Variants in C1orf21 observed in about 807,000 individuals in gnomAD.
C1orf21 encodes uncharacterized protein C1orf21.
Under a neutral mutation model 18.7 loss-of-function variants are expected in C1orf21, and 3 were observed. That is an observed-to-expected ratio of 0.16 (90% CI 0.07 to 0.42). C1orf21 has a LOEUF of 0.42. C1orf21 is among the 10% of genes least tolerant of loss of function. The pLI is 0.99. For synonymous variants in C1orf21, 41 were observed against 46.4 expected, an observed-to-expected ratio of 0.88 and a Z score of 0.47; for missense variants, 104 against 143.6, an observed-to-expected ratio of 0.72 and a Z score of 1.41.
chr1:184,417,960 C>T (rs1417053447), intron 1 of C1orf21, among the ~76,000 whole-genome samples: 4 of 152,206 alleles, frequency 2.6e-5, no homozygotes, highest in Non-Finnish European at 5.9e-5. Context: ...CTTTCAATGT[C>T]TTTGGTTCAG....
chr1:184,440,423 T>C (rs568488732), intron 1 of C1orf21, among the ~76,000 whole-genome samples: 62 of 152,202 alleles, frequency 4.1e-4, no homozygotes, highest in African/African-American at 1.4e-3. Context: ...TGTTGTTGTT[T>C]GTATTTTTAG....
chr1:184,573,625 C>T (rs1325007118), intron 3 of C1orf21, among the ~76,000 whole-genome samples: 2 of 152,050 alleles, frequency 1.3e-5, no homozygotes, highest in African/African-American at 2.4e-5. Context: ...GTGCTGGCAG[C>T]GAGCTTCACT....
At chr1:184,617,902 T>G (rs1659853057) in intron 5 of C1orf21, among the ~76,000 whole-genome samples, 2 of 118,122 alleles carry the variant, frequency 1.7e-5, no homozygotes, top group East Asian at 5.8e-4. Context: ...TTTGTTGTTG[T>G]TGTTTTTTTT....
chr1:184,434,873 C>T (rs115149583), intron 1 of C1orf21, among the ~76,000 whole-genome samples: 230 of 152,258 alleles, frequency 1.5e-3, no homozygotes, highest in Non-Finnish European at 2.2e-3. Flanking sequence ...GTTGAAAGTT[C>T]TTGGATTTTA....
chr1:184,516,819 C>A (rs1280626509), intron 3 of C1orf21, among the ~76,000 whole-genome samples: 1 of 152,122 alleles, frequency 6.6e-6, no homozygotes, highest in African/African-American at 2.4e-5. Context: ...GGACACAGAG[C>A]CAAACCATAT....
intron 3 of C1orf21, among the ~76,000 whole-genome samples, chr1:184,538,069 G>A (rs879622782): frequency 7.2e-5 from 11 of 152,062 alleles, no homozygotes; most frequent in Non-Finnish European, 1.6e-4. Flanking sequence ...GTAACTTTTC[G>A]CATTCCCACC....
At chr1:184,458,700 G>A (rs1657257232) in intron 1 of C1orf21, among the ~76,000 whole-genome samples, 1 of 152,034 alleles carries the variant, frequency 6.6e-6, no homozygotes, top group South Asian at 2.1e-4. Context: ...TTTTCACATA[G>A]CAAAGTTAAT....
intron 1 of C1orf21, among the ~76,000 whole-genome samples, chr1:184,447,976 T>G (rs1240259867): frequency 1.3e-5 from 2 of 152,194 alleles, no homozygotes; most frequent in Non-Finnish European, 2.9e-5. Context: ...TTGTCAAGTC[T>G]CCTAGACTTT....
At chr1:184,462,535 T>C (rs1256940975) in intron 1 of C1orf21, among the ~76,000 whole-genome samples, 3 of 152,186 alleles carry the variant, frequency 2.0e-5, no homozygotes, top group Non-Finnish European at 2.9e-5. Context: ...AGGAGGTCTC[T>C]TGACATTCTG....
intron 4 of C1orf21, among the ~76,000 whole-genome samples, chr1:184,597,094 T>G (rs1391267661): frequency 6.6e-6 from 1 of 152,180 alleles, no homozygotes; most frequent in Non-Finnish European, 1.5e-5. Flanking sequence ...GACAGTTTAA[T>G]GTACTCTCAT....
At chr1:184,479,011 G>C (rs1657613670) in intron 2 of C1orf21, among the ~76,000 whole-genome samples, 1 of 152,162 alleles carries the variant, frequency 6.6e-6, no homozygotes, top group Non-Finnish European at 1.5e-5. Context: ...GTGAAGAATT[G>C]GGAATGGTAC....
At position 184,619,662 on chromosome 1, in the gene C1orf21, A is replaced by G; in HGVS notation, c.*106A>G. ...TCTATTCAGCGAACAGCACTATAGC[A>G]AAAGAAGATCGTTCCATATTGTACG... On this transcript the variant is annotated 3_prime_UTR_variant, in exon 6 of 6. Coordinates refer to ENST00000235307, the MANE Select transcript of C1orf21 (RefSeq NM_030806.4). 1 of 998,372 alleles carries G rather than the reference A, an allele frequency of 1.0e-6. No homozygotes were observed. The highest frequency in any genetic ancestry group is 1.5e-6 in the Non-Finnish European group (1 of 666,254). The allele number at this position is 998,372 out of a possible 1,614,324, so 61.8% of individuals were successfully genotyped here.
At position 184,477,537 on chromosome 1, in the gene C1orf21, G is replaced by A; in HGVS notation, c.28G>A (p.Ala10Thr). 1 of 1,614,022 alleles carries A rather than the reference G, an allele frequency of 6.2e-7. No homozygotes were observed. Among genetic ancestry groups the A allele is most frequent in the East Asian group, 2.2e-5 (1 of 44,868 alleles). ...GGGCTGTGCCTCCGCCAAGCATGTT[G>A]CCACTGTTCAAAATGAAGAGGAAGC... is the stretch of plus-strand genomic sequence containing the variant. MGCASAKHV[A>T]TVQNEEEAQK... Residue 10 changes from alanine to threonine, a missense_variant, in exon 2 of 6, where the codon GCC becomes ACC. Ala to Thr is a moderately conservative substitution (Grantham distance 58). Transcript: ENST00000235307.
chr1:184,519,959 T>G (rs1169921471), intron 3 of C1orf21, among the ~76,000 whole-genome samples: 1 of 152,178 alleles, frequency 6.6e-6, no homozygotes, highest in Non-Finnish European at 1.5e-5. Context: ...CCAGAAAACA[T>G]AGAAATAAAT....
chr1:184,610,834 G>A (rs1175015470), intron 5 of C1orf21, among the ~76,000 whole-genome samples: 6 of 146,220 alleles, frequency 4.1e-5, no homozygotes, highest in South Asian at 2.2e-4. Context: ...GCAACAGAGC[G>A]AGACTCTGAC....
rs140907233 is a variant in C1orf21 at position 184,568,205 on chromosome 1, A to C, written c.190-22534A>C. Among the ~76,000 whole-genome samples, 474 of 152,336 alleles carry C rather than the reference A, an allele frequency of 3.1e-3. 1 individual carries two copies. Among genetic ancestry groups the C allele is most frequent in the Non-Finnish European group, 5.2e-3 (356 of 68,024 alleles). ...CCTTTTACCACATACACACACAAAAAATTGTGGTAAAATATACATAATATA... is the reference window on the plus strand; with the variant it reads ...CCTTTTACCACATACACACACAAAACATTGTGGTAAAATATACATAATATA... On this transcript the variant is annotated intron_variant, in intron 3 of 5. Transcript: ENST00000235307.
In C1orf21 at chr1:184,624,551, G is replaced by A. The variant is rs1034085156; in HGVS notation, c.*4995G>A. ...AAGTCTTGACCTTCATGGGGGTCTG[G>A]GACAATCCGATCTCCAAGCATGGAG... On this transcript the variant is annotated 3_prime_UTR_variant, in exon 6 of 6. Transcript: ENST00000235307. 6.6e-6 allele frequency: 1 copy of A among 152,050 alleles called. No homozygotes were observed. The highest frequency in any genetic ancestry group is 1.9e-4 in the East Asian group (1 of 5,184). 9.4% of individuals were successfully genotyped at this position (152,050 alleles called of 1,614,324 possible). A position where few individuals can be genotyped will look rare whatever the true frequency, so the allele number is the denominator to read the frequency against.
At position 184,418,743 on chromosome 1, in the gene C1orf21, G is replaced by T. The variant is rs181975250; in HGVS notation, c.-125+31375G>T. 2.6e-5 allele frequency among the ~76,000 whole-genome samples: 4 copies of T among 152,278 alleles called. No homozygotes were observed. The East Asian group carries it at 7.7e-4, about 29-fold the overall frequency. ...TATCCTCAGGCACTACAGAAGGCTTGGTGGCAGCACCAGTTTGTTGAGGCT... is the reference window on the plus strand; with the variant it reads ...TATCCTCAGGCACTACAGAAGGCTTTGTGGCAGCACCAGTTTGTTGAGGCT... On this transcript the variant is annotated intron_variant, in intron 1 of 5. Transcript: ENST00000235307.
chr1:184,484,341 G>A (rs1433949372), intron 2 of C1orf21, among the ~76,000 whole-genome samples: 1 of 152,084 alleles, frequency 6.6e-6, no homozygotes, highest in African/African-American at 2.4e-5. Flanking sequence ...CTTGGCACGG[G>A]CCCGTTTTCT....
Sources: gnomAD v4.1 joint callset for allele counts (sites outside exome capture counted in the v4.1 genomes callset) on GRCh38, gnomAD v4.1.1 for gene constraint, MANE v1.5 for transcripts, NCBI Gene and HGNC (gene_info 2026-07-23, HGNC 2026-07-21) for gene names.